The following PLXNA4 variants were observed in gnomAD, a reference collection of about 807,000 sequenced individuals.
PLXNA4 encodes plexin-A4.
Under a neutral mutation model 191.8 loss-of-function variants are expected in PLXNA4, and 44 were observed. The ratio of observed to expected loss-of-function variants is 0.23; its 90% CI spans 0.18 to 0.29. PLXNA4 has a LOEUF of 0.29. PLXNA4 is among the 10% of genes least tolerant of loss of function. PLXNA4 has a pLI of 1.00. For missense variants in PLXNA4, 1,800 were observed against 2,488.8 expected (o/e 0.72, Z 5.89); for synonymous variants, 1,082 against 1,009.5 (o/e 1.07, Z -1.36).
intron 2 of PLXNA4, among the ~76,000 whole-genome samples, chr7:132,504,576 T>A (rs1237386084): frequency 6.6e-6 from 1 of 152,212 alleles, no homozygotes; most frequent in African/African-American, 2.4e-5. Context: ...TTCAAGCTTT[T>A]AGAGTTGTAA....
intron 4 of PLXNA4, among the ~76,000 whole-genome samples, chr7:132,294,568 G>C (rs1291433541): frequency 6.6e-6 from 1 of 152,136 alleles, no homozygotes; most frequent in African/African-American, 2.4e-5. Context: ...GTAGTTGGAG[G>C]GCTATTGCAA....
At chr7:132,293,330 G>C (rs867236956) in intron 4 of PLXNA4, among the ~76,000 whole-genome samples, 3 of 152,190 alleles carry the variant, frequency 2.0e-5, no homozygotes, top group Non-Finnish European at 2.9e-5. Context: ...TCATGTGGCT[G>C]GGGAGGCCTC....
chr7:132,134,827 A>C (rs2116513805), intron 30 of PLXNA4, among the ~76,000 whole-genome samples: 1 of 151,848 alleles, frequency 6.6e-6, no homozygotes, highest in Admixed American at 6.6e-5. Context: ...CACCTTCAGA[A>C]CCCTCAGGGC....
Position 132,127,136 on chromosome 7 carries a change from C to T in PLXNA4, c.*3343G>A, listed in dbSNP as rs1794790631. On this transcript the variant is annotated 3_prime_UTR_variant, in exon 32 of 32. Coordinates refer to ENST00000321063, the MANE Select transcript of PLXNA4 (RefSeq NM_020911.2). ...CCCTTCTTCCCTGCTACCTTAAGCC[C>T]TTCTCTCTCCAACATGCAAAAAAAA... 1 of 152,206 alleles carries T rather than the reference C, an allele frequency of 6.6e-6. No homozygotes were observed. The highest frequency in any genetic ancestry group is 1.5e-5 in the Non-Finnish European group (1 of 68,090). The allele number at this position is 152,206 out of a possible 1,614,324, so 9.4% of individuals were successfully genotyped here. A position where few individuals can be genotyped will look rare whatever the true frequency, so the allele number is the denominator to read the frequency against.
chr7:132,156,388 T>C (rs1302196087), intron 25 of PLXNA4, among the ~76,000 whole-genome samples: 8 of 152,060 alleles, frequency 5.3e-5, no homozygotes, highest in Non-Finnish European at 1.0e-4. Context: ...ACAGTGATGA[T>C]GACAGGCAGG....
At chr7:132,597,975 T>TTA (rs1156570445) in intron 2 of PLXNA4, among the ~76,000 whole-genome samples, 1 of 152,136 alleles carries the variant, frequency 6.6e-6, no homozygotes, top group African/African-American at 2.4e-5. Context: ...AGATTGCACC[T>TTA]GGGTGCAATC....
intron 15 of PLXNA4, among the ~76,000 whole-genome samples, chr7:132,185,809 G>A (rs977302331): frequency 6.6e-6 from 1 of 152,182 alleles, no homozygotes; most frequent in Non-Finnish European, 1.5e-5. Flanking sequence ...CGTTAAGTTG[G>A]TTTAGCAGGA....
intron 2 of PLXNA4, among the ~76,000 whole-genome samples, chr7:132,635,195 TATATATAC>T (rs1258510565): frequency 1.7e-5 from 2 of 120,478 alleles, no homozygotes; most frequent in Admixed American, 8.7e-5. Context: ...TATATATATA[TATATATAC>T]GTATCCTATT....
At chr7:132,242,412 G>A (rs1195799086) in intron 4 of PLXNA4, among the ~76,000 whole-genome samples, 4 of 152,174 alleles carry the variant, frequency 2.6e-5, no homozygotes, top group Non-Finnish European at 4.4e-5. Flanking sequence ...AATGATGTCT[G>A]CTTGGCAGGG....
intron 1 of PLXNA4, among the ~76,000 whole-genome samples, chr7:132,570,159 G>A (rs77468102): frequency 0.012 from 1,901 of 152,248 alleles, 33 homozygotes; most frequent in Non-Finnish European, 0.013. Context: ...ACTTGACTGC[G>A]GAAACTTTTT....
chr7:132,164,642 A>T (rs1203494147), intron 23 of PLXNA4, among the ~76,000 whole-genome samples: 1 of 151,766 alleles, frequency 6.6e-6, no homozygotes, highest in Non-Finnish European at 1.5e-5. Flanking sequence ...CCAAAGGCAG[A>T]GGTCAGTCCT....
Position 132,168,552 on chromosome 7 carries a change from C to T in PLXNA4, c.4038G>A (p.Glu1346=), listed in dbSNP as rs1328050537. The part of the protein sequence containing the change: ...RDLEVPGYRQ[E]RVEKGLKLFA... ...AGAGCTTCAGGCCTTTCTCCACACGCTCCTGCCGGTAGCCCGGGACCTGCA... is the reference window on the plus strand; with the variant it reads ...AGAGCTTCAGGCCTTTCTCCACACGTTCCTGCCGGTAGCCCGGGACCTGCA... The change falls in exon 22 of 32, where the codon GAG becomes GAA. Residue 1346 remains glutamate (E), a synonymous_variant. Coordinates refer to ENST00000321063, the MANE Select transcript of PLXNA4 (RefSeq NM_020911.2). 4 of 1,592,544 alleles carry T rather than the reference C, an allele frequency of 2.5e-6. No homozygotes were observed. The African/African-American group carries it at 4.0e-5, about 16-fold the overall frequency.
chr7:132,322,647 C>A (rs1276153565), intron 3 of PLXNA4, among the ~76,000 whole-genome samples: 1 of 152,216 alleles, frequency 6.6e-6, no homozygotes, highest in Non-Finnish European at 1.5e-5. Flanking sequence ...CCAAAAAGCA[C>A]CTGGCCACAT....
At position 132,536,125 on chromosome 7, in the gene PLXNA4, A is replaced by G. The variant is rs566017008; in HGVS notation, c.-86-27346T>C. 6.3e-4 allele frequency among the ~76,000 whole-genome samples: 96 copies of G among 152,340 alleles called. 1 individual carries two copies. The highest frequency in any genetic ancestry group is 5.9e-4 in the Admixed American group (9 of 15,304). Reference sequence around the variant, plus strand: ...CCCTCGTGCATAAAATGGGGTTATAATAGGACATACTGCATTGGGCTTTTG... The same window carrying G: ...CCCTCGTGCATAAAATGGGGTTATAGTAGGACATACTGCATTGGGCTTTTG... On this transcript the variant is annotated intron_variant, in intron 1 of 31. Coordinates refer to ENST00000321063, the MANE Select transcript of PLXNA4 (RefSeq NM_020911.2).
At chr7:132,614,111 A>G (rs1563195121) in intron 2 of PLXNA4, among the ~76,000 whole-genome samples, 2 of 152,246 alleles carry the variant, frequency 1.3e-5, no homozygotes, top group Admixed American at 6.5e-5. Flanking sequence ...ACATTTTTCT[A>G]GTAGCCACAT....
Position 132,164,124 on chromosome 7 carries a change from A to G in PLXNA4, c.4500+18T>C. 3.7e-6 allele frequency: 6 copies of G among 1,613,282 alleles called. No individual in the cohort carries two copies. Among genetic ancestry groups the G allele is most frequent in the Non-Finnish European group, 5.1e-6 (6 of 1,179,980 alleles). On this transcript the variant is annotated intron_variant, in intron 24 of 31. Transcript: ENST00000321063. Reference sequence around the variant, plus strand: ...CCCGCCTGTCAAAGCCCCAGGGGAAACAGATGGGTGGGCTCACCAGGGTTT... The same window carrying G: ...CCCGCCTGTCAAAGCCCCAGGGGAAGCAGATGGGTGGGCTCACCAGGGTTT...
At chr7:132,636,477 C>A (rs1044569770) in intron 2 of PLXNA4, among the ~76,000 whole-genome samples, 1 of 151,994 alleles carries the variant, frequency 6.6e-6, no homozygotes. Flanking sequence ...CAAGGAAGAG[C>A]CCCCCCAGGA....
chr7:132,310,802 C>T (rs1801698830), intron 3 of PLXNA4, among the ~76,000 whole-genome samples: 1 of 152,224 alleles, frequency 6.6e-6, no homozygotes, highest in Non-Finnish European at 1.5e-5. Flanking sequence ...TACTGGGGCA[C>T]CAGCACTTTC....
rs976571835 is a variant in PLXNA4, at chr7:132,174,853, G to A, written c.3942C>T (p.Phe1314=). The A allele has an allele frequency of 1.2e-6, 2 of 1,614,208 alleles. No individual in the cohort carries two copies. The highest frequency in any genetic ancestry group is 1.7e-5 in the Admixed American group (1 of 60,024). Residue 1314 remains phenylalanine (F), a synonymous_variant, in exon 21 of 32, where the codon TTC becomes TTT. Transcript: ENST00000321063. ...TSDLDGAGIP[F]LDYRTYTMRV... ...GCATGGTGTAAGTTCTATAGTCCAGGAACGGAATCCCGGCTCCATCCAGGT... is the reference window on the plus strand; with the variant it reads ...GCATGGTGTAAGTTCTATAGTCCAGAAACGGAATCCCGGCTCCATCCAGGT...
Sources: allele counts gnomAD v4.1 joint callset (sites outside exome capture counted in the v4.1 genomes callset), GRCh38; gene constraint gnomAD v4.1.1; transcripts MANE v1.5; gene names NCBI Gene and HGNC (gene_info 2026-07-23, HGNC 2026-07-21).